Variants in BAALC observed in about 807,000 individuals in gnomAD.
The protein encoded by BAALC is brain and acute leukemia cytoplasmic protein.
In BAALC, 9 loss-of-function variants were observed where a neutral mutation model predicts 15.5. The observed-to-expected ratio is 0.58, with a 90% CI of 0.35 to 1.02. The LOEUF (loss-of-function observed/expected upper bound fraction) is 1.02. BAALC is among the 50% of genes least tolerant of loss of function. The pLI is 0.02. For missense variants in BAALC, 201 were observed against 192.4 expected, an observed-to-expected ratio of 1.04 and a Z score of -0.27; for synonymous variants, 80 against 74.6, an observed-to-expected ratio of 1.07 and a Z score of -0.37.
chr8:103,214,671 G>A (rs551494571), intron 2 of BAALC, among the ~76,000 whole-genome samples: 10 of 152,128 alleles, frequency 6.6e-5, no homozygotes, highest in Admixed American at 2.6e-4. Flanking sequence ...AGAATCTCAC[G>A]TTCATTATCC....
chr8:103,192,613 G>A (rs531972563), intron 1 of BAALC, among the ~76,000 whole-genome samples: 12 of 152,344 alleles, frequency 7.9e-5, no homozygotes, highest in Admixed American at 7.8e-4. Context: ...ACAGCCTTCT[G>A]AGAGAGATTT....
At chr8:103,170,360 C>T (rs1811454531) in intron 1 of BAALC, among the ~76,000 whole-genome samples, 1 of 151,928 alleles carries the variant, frequency 6.6e-6, no homozygotes, top group African/African-American at 2.4e-5. Flanking sequence ...GAAGTCCTAA[C>T]TCCCAGTACA....
chr8:103,212,957 C>T lies in BAALC; in HGVS notation c.199C>T (p.Arg67Ter), dbSNP rs760771723. 1.2e-5 allele frequency: 20 copies of T among 1,613,920 alleles called. No homozygotes were observed. The highest frequency in any genetic ancestry group is 5.0e-5 in the Admixed American group (3 of 59,990). ...EDGLPSNGVP[R>*]STAPGGIPNP... The stretch of plus-strand genomic sequence containing the variant: ...TGGACTGCCCTCCAATGGTGTGCCC[C>T]GATCTACAGCCCCAGGTGGAATACC... The change falls in exon 2 of 3, where the codon CGA becomes TGA. Residue 67 changes from arginine (R) to a stop codon, truncating the protein, a stop_gained. Coordinates refer to ENST00000309982, the MANE Select transcript of BAALC (RefSeq NM_024812.3). LOFTEE classifies it high-confidence loss of function.
At chr8:103,221,465 T>A (rs941373383) in intron 2 of BAALC, among the ~76,000 whole-genome samples, 1 of 123,882 alleles carries the variant, frequency 8.1e-6, no homozygotes, top group Non-Finnish European at 1.9e-5. Flanking sequence ...GGGGCCATAC[T>A]TTTTTTTTTT....
chr8:103,149,524 T>C (rs746799613), intron 1 of BAALC, among the ~76,000 whole-genome samples: 7 of 152,204 alleles, frequency 4.6e-5, no homozygotes, highest in Non-Finnish European at 8.8e-5. Context: ...AGCATTTAGG[T>C]TTCATCTTTC....
At chr8:103,207,496 ATGTAGATTCCTC>A (rs757893855) in intron 1 of BAALC, among the ~76,000 whole-genome samples, 45 of 152,342 alleles carry the variant, frequency 3.0e-4, no homozygotes, top group Non-Finnish European at 6.3e-4. Context: ...AAGCTTGTTA[ATGTAGATTCCTC>A]TGGTGCCCTC....
intron 1 of BAALC, among the ~76,000 whole-genome samples, chr8:103,197,627 A>G (rs961026113): frequency 1.3e-5 from 2 of 152,216 alleles, no homozygotes; most frequent in Admixed American, 6.5e-5. Context: ...TAATTGGCTC[A>G]TGGTTCTGCA....
intron 2 of BAALC, among the ~76,000 whole-genome samples, chr8:103,223,542 G>A (rs62525466): frequency 0.068 from 10,306 of 152,188 alleles, 474 homozygotes; most frequent in Non-Finnish European, 0.1. Context: ...GATCTATCTG[G>A]CCCCAAAGTT....
At position 103,213,188 on chromosome 8, in the gene BAALC, T is replaced by C; in HGVS notation, c.327+103T>C. On this transcript the variant is annotated intron_variant, in intron 2 of 2. Transcript: ENST00000309982. ...GCTATGTCCAGGGAGGGACCAGGGATGGCTCATCTTGGAAAAAAAAAGTCT... is the reference window on the plus strand; with the variant it reads ...GCTATGTCCAGGGAGGGACCAGGGACGGCTCATCTTGGAAAAAAAAAGTCT... 5.6e-6 allele frequency: 7 copies of C among 1,260,698 alleles called. No homozygotes were observed. The South Asian group carries it at 1.3e-4, about 24-fold the overall frequency. 78.1% of individuals were successfully genotyped at this position (1,260,698 alleles called of 1,614,324 possible). A position where few individuals can be genotyped will look rare whatever the true frequency, so the allele number is the denominator to read the frequency against.
At chr8:103,220,839 ATAC>A (rs1812660740) in intron 2 of BAALC, among the ~76,000 whole-genome samples, 1 of 152,210 alleles carries the variant, frequency 6.6e-6, no homozygotes, top group African/African-American at 2.4e-5. Context: ...ATAATTAAAA[ATAC>A]TACTTATACA....
intron 1 of BAALC, among the ~76,000 whole-genome samples, chr8:103,161,493 C>A (rs1051173771): frequency 6.6e-6 from 1 of 152,146 alleles, no homozygotes; most frequent in South Asian, 2.1e-4. Flanking sequence ...AGCTGCATAG[C>A]GCTCGATTGT....
At chr8:103,152,899 G>A (rs1297548778) in intron 1 of BAALC, among the ~76,000 whole-genome samples, 1 of 152,214 alleles carries the variant, frequency 6.6e-6, no homozygotes, top group Non-Finnish European at 1.5e-5. Flanking sequence ...TGGGAAGAAG[G>A]AGACGGGCAG....
chr8:103,177,632 AG>A (rs1299238680), intron 1 of BAALC, among the ~76,000 whole-genome samples: 1 of 152,200 alleles, frequency 6.6e-6, no homozygotes, highest in Non-Finnish European at 1.5e-5. Flanking sequence ...CACAGTAAAT[AG>A]GGCAAGGTGG....
chr8:103,209,969 CACCAAA>C (rs1284694272), intron 1 of BAALC, among the ~76,000 whole-genome samples: 1 of 152,194 alleles, frequency 6.6e-6, no homozygotes, highest in Non-Finnish European at 1.5e-5. Flanking sequence ...GTCTGAATGA[CACCAAA>C]TCCAAATCCA....
chr8:103,219,352 G>T (rs1283376835), intron 2 of BAALC: 1 of 152,284 alleles, frequency 6.6e-6, no homozygotes, highest in Non-Finnish European at 1.5e-5. Context: ...AGACAGCCTA[G>T]TCATCACTCA....
At chr8:103,169,601 C>T (rs943944568) in intron 1 of BAALC, among the ~76,000 whole-genome samples, 1 of 152,098 alleles carries the variant, frequency 6.6e-6, no homozygotes, top group African/African-American at 2.4e-5. Flanking sequence ...TATTTTCAGG[C>T]CTTTTTGAGG....
intron 1 of BAALC, among the ~76,000 whole-genome samples, chr8:103,173,617 T>G (rs1038248131): frequency 6.6e-5 from 10 of 152,154 alleles, no homozygotes; most frequent in Admixed American, 2.6e-4. Flanking sequence ...TTGGCCAAAA[T>G]GTAGGAAAGT....
At chr8:103,172,191 T>A (rs1314139639) in intron 1 of BAALC, 4 of 152,168 alleles carry the variant, frequency 2.6e-5, no homozygotes, top group Non-Finnish European at 5.9e-5. Flanking sequence ...GTCCTTTTTT[T>A]TTTACCCCTC....
At chr8:103,159,657 C>T (rs1811178000) in intron 1 of BAALC, among the ~76,000 whole-genome samples, 1 of 152,152 alleles carries the variant, frequency 6.6e-6, no homozygotes. Context: ...GTGGGATCCC[C>T]CGTTTGACTC....
Sources: allele counts gnomAD v4.1 joint callset (sites outside exome capture counted in the v4.1 genomes callset), GRCh38; gene constraint gnomAD v4.1.1; transcripts MANE v1.5; gene names NCBI Gene and HGNC (gene_info 2026-07-23, HGNC 2026-07-21).